The following TOX variants were observed in gnomAD, a reference collection of about 807,000 sequenced individuals.
TOX encodes the protein thymocyte selection associated high mobility group box.
Under a neutral mutation model 53.7 loss-of-function variants are expected in TOX, and 11 were observed. The observed-to-expected ratio is 0.20, with a 90% CI of 0.13 to 0.34. TOX has a LOEUF of 0.34. Ranked by LOEUF, TOX falls within the 10% of genes least tolerant of loss-of-function variation. The pLI, the probability that TOX is intolerant of heterozygous loss-of-function variation, is 1.00. For missense variants in TOX, 570 were observed against 664.6 expected (o/e 0.86, Z 1.56); for synonymous variants, 225 against 245.3 (o/e 0.92, Z 0.77).
At chr8:58,969,877 C>T (rs2129179530) in intron 1 of TOX, among the ~76,000 whole-genome samples, 1 of 152,334 alleles carries the variant, frequency 6.6e-6, no homozygotes, top group African/African-American at 2.4e-5. Flanking sequence ...ATTTATTCTG[C>T]ATTGTGAGAG....
intron 1 of TOX, among the ~76,000 whole-genome samples, chr8:59,065,352 G>T (rs1040188625): frequency 4.6e-5 from 7 of 152,106 alleles, no homozygotes; most frequent in African/African-American, 1.7e-4. Flanking sequence ...ACAATTGCAC[G>T]TTACTTCAGT....
At chr8:59,030,002 G>A (rs975812702) in intron 1 of TOX, among the ~76,000 whole-genome samples, 2 of 152,220 alleles carry the variant, frequency 1.3e-5, no homozygotes, top group South Asian at 2.1e-4. Context: ...AACTTGCAAC[G>A]TTTGAGGATA....
intron 1 of TOX, among the ~76,000 whole-genome samples, chr8:58,967,752 C>G (rs1200312703): frequency 6.6e-6 from 1 of 152,176 alleles, no homozygotes; most frequent in Non-Finnish European, 1.5e-5. Flanking sequence ...AAATATACAT[C>G]TTATGTTTTC....
chr8:58,881,477 C>T (rs572177641), intron 3 of TOX, among the ~76,000 whole-genome samples: 1 of 152,148 alleles, frequency 6.6e-6, no homozygotes, highest in African/African-American at 2.4e-5. Context: ...GTAATCCCAG[C>T]ACTTCGTGAG....
chr8:59,105,538 C>T lies in TOX; in HGVS notation c.102+13348G>A, dbSNP rs58849769. On this transcript the variant is annotated intron_variant, in intron 1 of 8. Transcript: ENST00000361421. The stretch of plus-strand genomic sequence containing the variant: ...AGCAGTGCCTTCATATAGTGATCAT[C>T]GGTACTGCATACTATATGAAGGCTG... 2.0e-3 allele frequency among the ~76,000 whole-genome samples: 302 copies of T among 152,124 alleles called. 1 individual carries two copies. The highest frequency in any genetic ancestry group is 6.8e-3 in the African/African-American group (282 of 41,514).
At chr8:58,876,005 CT>C (rs1459583777) in intron 3 of TOX, among the ~76,000 whole-genome samples, 1 of 152,148 alleles carries the variant, frequency 6.6e-6, no homozygotes. Flanking sequence ...GATTACTTTT[CT>C]TTGTATACTT....
At position 58,813,372 on chromosome 8, in the gene TOX, G is replaced by T. The variant is rs553344418; in HGVS notation, c.1392+1966C>A. Among the ~76,000 whole-genome samples the T allele has an allele frequency of 3.2e-4, 48 of 152,236 alleles. No homozygotes were observed. In the East Asian group the frequency reaches 3.7e-3, roughly 12 times the overall value. On this transcript the variant is annotated intron_variant, in intron 7 of 8. Coordinates refer to ENST00000361421, the MANE Select transcript of TOX (RefSeq NM_014729.3). ...GCATGGTGAGGAAACTGAACTTTTGGTTTTTTTCCTTCAGGAAGAAACAGC... is the reference window on the plus strand; with the variant it reads ...GCATGGTGAGGAAACTGAACTTTTGTTTTTTTTCCTTCAGGAAGAAACAGC...
chr8:58,863,721 A>C lies in TOX; in HGVS notation c.412-11916T>G, dbSNP rs545461169. Among the ~76,000 whole-genome samples, 5 of 151,478 alleles carry C rather than the reference A, an allele frequency of 3.3e-5. No individual in the cohort carries two copies. The East Asian group carries it at 9.7e-4, about 29-fold the overall frequency. ...TAATGCACTAATTTCTTTTGCAGGA[A>C]ATTCAATTAATTTTTTTTTTAACTG... On this transcript the variant is annotated intron_variant, in intron 3 of 8. Transcript: ENST00000361421.
chr8:59,077,881 C>T (rs1346519699), intron 1 of TOX, among the ~76,000 whole-genome samples: 3 of 152,008 alleles, frequency 2.0e-5, no homozygotes, highest in Non-Finnish European at 2.9e-5. Context: ...TCCTTTTTGC[C>T]CCTTAATCAT....
chr8:58,986,994 A>T (rs1350356612), intron 1 of TOX, among the ~76,000 whole-genome samples: 1 of 152,218 alleles, frequency 6.6e-6, no homozygotes, highest in Non-Finnish European at 1.5e-5. Context: ...GCCTAGTCTG[A>T]ATTTCATTAC....
chr8:59,021,695 TGTTGTAGGCA>T (rs1814139190), intron 1 of TOX, among the ~76,000 whole-genome samples: 4 of 151,968 alleles, frequency 2.6e-5, no homozygotes, highest in Admixed American at 2.6e-4. Flanking sequence ...AGGTGACTCC[TGTTGTAGGCA>T]CCTCTTAAAA....
intron 1 of TOX, among the ~76,000 whole-genome samples, chr8:59,021,402 T>C (rs1383934856): frequency 6.9e-6 from 1 of 145,804 alleles, no homozygotes; most frequent in East Asian, 2.0e-4. Flanking sequence ...AATACTGCCA[T>C]CTGTTGTCAG....
intron 1 of TOX, among the ~76,000 whole-genome samples, chr8:59,088,466 TC>T (rs1250073657): frequency 6.6e-6 from 1 of 152,210 alleles, no homozygotes; most frequent in African/African-American, 2.4e-5. Flanking sequence ...CAAAAATTTT[TC>T]TAGATCATGA....
intron 5 of TOX, among the ~76,000 whole-genome samples, chr8:58,835,315 T>C (rs986433683): frequency 1.3e-5 from 2 of 152,152 alleles, no homozygotes; most frequent in African/African-American, 4.8e-5. Context: ...ATCATATATA[T>C]ACAATTAAAA....
intron 2 of TOX, among the ~76,000 whole-genome samples, chr8:58,941,427 G>A (rs1382621871): frequency 6.6e-6 from 1 of 152,222 alleles, no homozygotes; most frequent in South Asian, 2.1e-4. Flanking sequence ...AGTTCACTCA[G>A]CTTGGAAAAG....
chr8:59,062,450 G>A (rs1278829234), intron 1 of TOX, among the ~76,000 whole-genome samples: 1 of 152,220 alleles, frequency 6.6e-6, no homozygotes, highest in Non-Finnish European at 1.5e-5. Context: ...TTATAAATAT[G>A]GAAAATTTAA....
intron 1 of TOX, among the ~76,000 whole-genome samples, chr8:59,116,134 G>C (rs1245579349): frequency 6.6e-6 from 1 of 152,110 alleles, no homozygotes; most frequent in Non-Finnish European, 1.5e-5. Context: ...AGCACAGATA[G>C]ATACTGGTTC....
intron 6 of TOX, among the ~76,000 whole-genome samples, chr8:58,817,761 C>G (rs549337484): frequency 6.6e-6 from 1 of 152,144 alleles, no homozygotes; most frequent in South Asian, 2.1e-4. Context: ...ATTGGTGCAT[C>G]TTTATTTTTT....
chr8:59,082,543 A>C (rs1448735836), intron 1 of TOX, among the ~76,000 whole-genome samples: 3 of 152,236 alleles, frequency 2.0e-5, no homozygotes, highest in African/African-American at 4.8e-5. Context: ...TATGTACATC[A>C]AAAACATATT....
Sources: allele counts gnomAD v4.1 joint callset (sites outside exome capture counted in the v4.1 genomes callset), GRCh38; gene constraint gnomAD v4.1.1; transcripts MANE v1.5; gene names NCBI Gene and HGNC (gene_info 2026-07-23, HGNC 2026-07-21).